The following G3BP1 variants were observed in gnomAD, a reference collection of about 807,000 sequenced individuals.
The protein encoded by G3BP1 is G3BP stress granule assembly factor 1.
Under a neutral mutation model 58.6 loss-of-function variants are expected in G3BP1, and 35 were observed. The observed-to-expected ratio is 0.60, with a 90% confidence interval of 0.46 to 0.79. G3BP1 has a LOEUF of 0.79. Among genes scored for constraint, G3BP1 ranks in the 30% least tolerant of loss-of-function variants. The pLI, the probability that G3BP1 is intolerant of heterozygous loss-of-function variation, is 0.00. For synonymous variants in G3BP1, 191 were observed against 195.4 expected (o/e 0.98, Z 0.19); for missense variants, 523 against 580.8 (o/e 0.90, Z 1.02).
intron 1 of G3BP1, among the ~76,000 whole-genome samples, chr5:151,773,226 T>C (rs943875126): frequency 2.6e-5 from 4 of 152,156 alleles, no homozygotes; most frequent in African/African-American, 7.2e-5. Flanking sequence ...ATTCACTTTA[T>C]AGTTGAAGGG....
chr5:151,795,635 C>G (rs1762736536), intron 6 of G3BP1, 60 bp downstream of exon 6: 3 of 777,658 alleles, frequency 3.9e-6, no homozygotes, highest in Non-Finnish European at 6.6e-6. Context: ...TCTAGTCTTT[C>G]CCTTTGTTGG....
chr5:151,779,578 CTT>C (rs545318847), intron 1 of G3BP1, among the ~76,000 whole-genome samples: 192 of 152,260 alleles, frequency 1.3e-3, no homozygotes, highest in Non-Finnish European at 1.7e-3. Flanking sequence ...ACTAAAAACA[CTT>C]TTAAATATAT....
intron 2 of G3BP1, among the ~76,000 whole-genome samples, chr5:151,788,185 A>T (rs539973107): frequency 1.3e-5 from 2 of 151,840 alleles, no homozygotes; most frequent in East Asian, 3.9e-4. Context: ...AAATACTGGG[A>T]TTACAGGTGT....
At chr5:151,801,609 A>C (rs1762851018) in intron 11 of G3BP1, among the ~76,000 whole-genome samples, 1 of 152,116 alleles carries the variant, frequency 6.6e-6, no homozygotes, top group African/African-American at 2.4e-5. Context: ...ATTACCTTTA[A>C]TTCCAAAAGT....
At chr5:151,774,177 T>C (rs1456315878) in intron 1 of G3BP1, among the ~76,000 whole-genome samples, 1 of 152,230 alleles carries the variant, frequency 6.6e-6, no homozygotes, top group Non-Finnish European at 1.5e-5. Flanking sequence ...TGCTTACCGG[T>C]ACAAAAGTCT....
intron 1 of G3BP1, among the ~76,000 whole-genome samples, chr5:151,777,988 TTGG>T (rs1762401782): frequency 6.6e-6 from 1 of 152,120 alleles, no homozygotes; most frequent in South Asian, 2.1e-4. Context: ...GGTTTACCTG[TTGG>T]TGGGCATTGA....
At chr5:151,792,942 C>T in intron 4 of G3BP1, among the ~76,000 whole-genome samples, 1 of 152,070 alleles carries the variant, frequency 6.6e-6, no homozygotes, top group East Asian at 1.9e-4. Flanking sequence ...AGAGGAGTAA[C>T]AGCCTTAGAA....
rs1050952653 is a variant in G3BP1, at chr5:151,802,476, A to G, written c.1195-1409A>G. On this transcript the variant is annotated intron_variant, in intron 11 of 11. Transcript: ENST00000356245. The stretch of plus-strand genomic sequence containing the variant: ...TACTGTAGTGTAGCTTACCGTTTCA[A>G]AGCTTATTTTTCCCTGGAGGCCTTG... 9.9e-5 allele frequency among the ~76,000 whole-genome samples: 15 copies of G among 152,178 alleles called. 1 individual carries two copies. Among genetic ancestry groups the G allele is most frequent in the Admixed American group, 2.0e-4 (3 of 15,284 alleles).
chr5:151,790,811 A>G, intron 3 of G3BP1, 78 bp from the exon 4 acceptor site: 1 of 797,810 alleles, frequency 1.3e-6, no homozygotes. Flanking sequence ...TTGTGTTGGA[A>G]GGTTTTTTTT....
chr5:151,779,521 TTATGTC>T (rs1301424926), intron 1 of G3BP1, among the ~76,000 whole-genome samples: 3 of 152,240 alleles, frequency 2.0e-5, no homozygotes, highest in South Asian at 2.1e-4. Flanking sequence ...ATTTGTCTCT[TTATGTC>T]TAGCCTGTGT....
In G3BP1 at chr5:151,786,723, A is replaced by G. The variant is rs761432520; in HGVS notation, c.95+8A>G. On this transcript the variant is annotated splice_region_variant and intron_variant, in intron 2 of 11. Coordinates refer to ENST00000356245, the MANE Select transcript of G3BP1 (RefSeq NM_005754.3). ...CCCAGACATGCTGCATAGGTAAGAC[A>G]TTTTTCTCCTGCATCATCTAATGCT... The G allele has an allele frequency of 5.9e-6, 9 of 1,514,262 alleles. No homozygotes were observed. Among genetic ancestry groups the G allele is most frequent in the Non-Finnish European group, 7.3e-6 (8 of 1,089,040 alleles). The allele number at this position is 1,514,262 out of a possible 1,614,324, so 93.8% of individuals were successfully genotyped here. A position where few individuals can be genotyped will look rare whatever the true frequency, so the allele number is the denominator to read the frequency against.
At chr5:151,774,338 T>G (rs2113211619) in intron 1 of G3BP1, among the ~76,000 whole-genome samples, 1 of 152,154 alleles carries the variant, frequency 6.6e-6, no homozygotes, top group Middle Eastern at 3.4e-3. Context: ...CTTTTGTAAC[T>G]TATGGTTTTT....
intron 1 of G3BP1, among the ~76,000 whole-genome samples, chr5:151,783,335 TA>T (rs2113223674): frequency 6.6e-6 from 1 of 152,302 alleles, no homozygotes; most frequent in East Asian, 1.9e-4. Context: ...TAGGATTTAT[TA>T]CACTATATAG....
rs1267922450 is a variant in G3BP1, at chr5:151,810,044, C to T, written c.*5953C>T. 6 of 152,094 alleles carry T rather than the reference C, an allele frequency of 3.9e-5. No homozygotes were observed. Among genetic ancestry groups the T allele is most frequent in the Admixed American group, 3.9e-4 (6 of 15,276 alleles). The allele number at this position is 152,094 out of a possible 1,614,324, so 9.4% of individuals were successfully genotyped here. A position where few individuals can be genotyped will look rare whatever the true frequency, so the allele number is the denominator to read the frequency against. On this transcript the variant is annotated 3_prime_UTR_variant, in exon 12 of 12. Transcript: ENST00000356245. The stretch of plus-strand genomic sequence containing the variant: ...ATTCTGTACATTGTGGTGCTTTTTC[C>T]ACCTTGTATTGTTGTAACTGTAAGC...
chr5:151,791,088 A>G lies in G3BP1; in HGVS notation c.351+26A>G, dbSNP rs756923436. On this transcript the variant is annotated intron_variant, in intron 4 of 11. Transcript: ENST00000356245. Reference sequence around the variant, plus strand: ...GTATGTGTAGGAATGATTATTTTGTAGTGATCCAATACATGAAAAAAGAAA... The same window carrying G: ...GTATGTGTAGGAATGATTATTTTGTGGTGATCCAATACATGAAAAAAGAAA... 3.8e-6 allele frequency: 6 copies of G among 1,564,486 alleles called. No individual in the cohort carries two copies. The East Asian group carries it at 9.0e-5, about 23-fold the overall frequency.
At chr5:151,797,570 G>T in intron 7 of G3BP1, 142 bp downstream of exon 7, 1 of 895,826 alleles carries the variant, frequency 1.1e-6, no homozygotes. Context: ...CTTAGATATT[G>T]AGCCATATGT....
In G3BP1 at chr5:151,805,915, A is replaced by T. The variant is rs910917170; in HGVS notation, c.*1824A>T. ...ATAAATTATGGATAGCCTAGAAATT[A>T]TCCTTCATGAGTGAATACTAAATTA... is the stretch of plus-strand genomic sequence containing the variant. On this transcript the variant is annotated 3_prime_UTR_variant, in exon 12 of 12. Coordinates refer to ENST00000356245, the MANE Select transcript of G3BP1 (RefSeq NM_005754.3). 3.9e-5 allele frequency: 6 copies of T among 152,228 alleles called. No homozygotes were observed. The highest frequency in any genetic ancestry group is 1.4e-4 in the African/African-American group (6 of 41,456). 9.4% of individuals were successfully genotyped at this position (152,228 alleles called of 1,614,324 possible).
intron 9 of G3BP1, 60 bp from the exon 10 acceptor site, chr5:151,800,158 A>G: frequency 3.3e-6 from 5 of 1,506,050 alleles, no homozygotes; most frequent in Non-Finnish European, 4.6e-6. Flanking sequence ...GAATGTGAGC[A>G]GTCATTGAAA....
intron 1 of G3BP1, among the ~76,000 whole-genome samples, chr5:151,775,243 C>G (rs1200121534): frequency 6.6e-6 from 1 of 152,178 alleles, no homozygotes; most frequent in Non-Finnish European, 1.5e-5. Flanking sequence ...AGATGATTGA[C>G]AGAAATTTGG....
Sources: gnomAD v4.1 joint callset for allele counts (sites outside exome capture counted in the v4.1 genomes callset) on GRCh38, gnomAD v4.1.1 for gene constraint, MANE v1.5 for transcripts, NCBI Gene and HGNC (gene_info 2026-07-23, HGNC 2026-07-21) for gene names.